The following NLN variants were observed in gnomAD, a reference collection of about 807,000 sequenced individuals.
The protein encoded by NLN is neurolysin, also known as neurolysin, mitochondrial.
A neutral mutation model predicts 79.9 loss-of-function variants in NLN; 64 were observed. The ratio of observed to expected loss-of-function variants is 0.80; its 90% CI spans 0.65 to 0.99. The LOEUF (loss-of-function observed/expected upper bound fraction) is 0.99. NLN is among the 50% of genes least tolerant of loss of function. The pLI is 0.00. For missense variants in NLN, 835 were observed against 858.7 expected (o/e 0.97, Z 0.34); for synonymous variants, 267 against 296.6 (o/e 0.90, Z 1.02).
At chr5:65,795,200 A>C (rs2150765986) in intron 9 of NLN, among the ~76,000 whole-genome samples, 1 of 152,134 alleles carries the variant, frequency 6.6e-6, no homozygotes, top group South Asian at 2.1e-4. Context: ...CCAAAAATAA[A>C]AAAAATTAGC....
chr5:65,762,213 G>T (rs1759354126), intron 2 of NLN, among the ~76,000 whole-genome samples: 1 of 152,152 alleles, frequency 6.6e-6, no homozygotes, highest in Non-Finnish European at 1.5e-5. Context: ...GGGATCCTTT[G>T]AAGTTATCTG....
intron 9 of NLN, among the ~76,000 whole-genome samples, chr5:65,795,687 A>AAAAT (rs1358699774): frequency 3.3e-5 from 5 of 152,268 alleles, no homozygotes; most frequent in Admixed American, 6.5e-5. Flanking sequence ...ACTCTGTCTC[A>AAAAT]AAATAAATAA....
chr5:65,769,512 A>G (rs1197343725), intron 3 of NLN, among the ~76,000 whole-genome samples: 2 of 152,194 alleles, frequency 1.3e-5, no homozygotes, highest in Non-Finnish European at 2.9e-5. Flanking sequence ...CATGTGCCCC[A>G]TAAATGTATA....
intron 12 of NLN, among the ~76,000 whole-genome samples, chr5:65,812,944 A>C (rs1003461777): frequency 1.3e-5 from 2 of 152,232 alleles, no homozygotes; most frequent in African/African-American, 4.8e-5. Flanking sequence ...GCTGCCAGAC[A>C]AACCTTCCTG....
intron 1 of NLN, among the ~76,000 whole-genome samples, chr5:65,738,953 A>T (rs1195273095): frequency 2.1e-5 from 2 of 96,714 alleles, no homozygotes; most frequent in East Asian, 2.3e-4. Flanking sequence ...ATATATGTTT[A>T]TATATATGTA....
At chr5:65,798,159 G>A (rs545207674) in intron 9 of NLN, among the ~76,000 whole-genome samples, 9 of 152,222 alleles carry the variant, frequency 5.9e-5, no homozygotes. Flanking sequence ...TACTGAACAT[G>A]TACCAGGTGC....
At chr5:65,745,448 T>G (rs1003840466) in intron 1 of NLN, among the ~76,000 whole-genome samples, 10 of 152,064 alleles carry the variant, frequency 6.6e-5, no homozygotes, top group Non-Finnish European at 1.3e-4. Flanking sequence ...GGCTCTGGAG[T>G]CAGGCTTGGG....
chr5:65,759,340 T>C (rs1284440939), intron 2 of NLN, among the ~76,000 whole-genome samples: 1 of 152,076 alleles, frequency 6.6e-6, no homozygotes, highest in Non-Finnish European at 1.5e-5. Flanking sequence ...AAATAAATTT[T>C]ATCAATGGTT....
chr5:65,809,445 T>C, intron 9 of NLN, 70 bp from the exon 10 acceptor site: 1 of 1,342,012 alleles, frequency 7.5e-7, no homozygotes, highest in Non-Finnish European at 1.0e-6. Flanking sequence ...TTCGTGACTC[T>C]TAATAATTAT....
rs1323474970 is a variant in NLN, at chr5:65,792,555, T to A, written c.1427T>A (p.Phe476Tyr). The A allele has an allele frequency of 1.2e-6, 2 of 1,613,754 alleles. No homozygotes were observed. Among genetic ancestry groups the A allele is most frequent in the East Asian group, 4.5e-5 (2 of 44,890 alleles). The change falls in exon 9 of 13, where the codon TTC becomes TAC. Residue 476 changes from phenylalanine to tyrosine, a missense_variant. By Grantham distance (22) the Phe-to-Tyr change is conservative. Coordinates refer to ENST00000380985, the MANE Select transcript of NLN (RefSeq NM_020726.5). ...MMAVAALVVN[F>Y]SQPVAGRPSL... ...GCAGTGGCTGCCCTCGTGGTGAACT[T>A]CTCACAGCCAGTGGCAGGTCGTCCC... is the stretch of plus-strand genomic sequence containing the variant.
chr5:65,793,410 G>C lies in NLN; in HGVS notation c.1527+755G>C, dbSNP rs1005914815. The C allele has an allele frequency of 2.0e-5, 3 of 153,352 alleles. No homozygotes were observed. The Admixed American group carries it at 2.0e-4, about 10-fold the overall frequency. 9.5% of individuals were successfully genotyped at this position (153,352 alleles called of 1,614,324 possible). On this transcript the variant is annotated intron_variant, in intron 9 of 12. Transcript: ENST00000380985. Reference sequence around the variant, plus strand: ...TGCCTGTAATCCCAGCACTTTGGGAGGCCAAGGTGGAAGGATCGCTTGAGT... The same window carrying C: ...TGCCTGTAATCCCAGCACTTTGGGACGCCAAGGTGGAAGGATCGCTTGAGT...
At chr5:65,739,486 G>A (rs1234737692) in intron 1 of NLN, among the ~76,000 whole-genome samples, 2 of 152,120 alleles carry the variant, frequency 1.3e-5, no homozygotes, top group Non-Finnish European at 2.9e-5. Flanking sequence ...TGAGAGTGTG[G>A]ATATCTCTTC....
intron 3 of NLN, among the ~76,000 whole-genome samples, chr5:65,768,540 AAAT>A (rs1182241961): frequency 2.0e-5 from 3 of 152,264 alleles, no homozygotes; most frequent in Non-Finnish European, 4.4e-5. Context: ...GGCCACAGCC[AAAT>A]AATATCAGTG....
At chr5:65,786,723 A>G (rs998845085) in intron 7 of NLN, among the ~76,000 whole-genome samples, 4 of 152,196 alleles carry the variant, frequency 2.6e-5, no homozygotes, top group African/African-American at 9.6e-5. Flanking sequence ...TTAGCCAGGC[A>G]TGGTAGCACA....
At chr5:65,813,401 G>T (rs144030804) in intron 12 of NLN, among the ~76,000 whole-genome samples, 14 of 152,128 alleles carry the variant, frequency 9.2e-5, no homozygotes, top group African/African-American at 2.9e-4. Context: ...CTTCAACCAG[G>T]ACCCATCCCT....
intron 8 of NLN, 68 bp downstream of exon 8, chr5:65,788,552 T>C (rs1156247649): frequency 4.0e-6 from 6 of 1,486,942 alleles, no homozygotes; most frequent in Non-Finnish European, 5.5e-6. Context: ...GACTCTACTC[T>C]TGGCCAGGCA....
At chr5:65,799,956 A>G (rs1760248300) in intron 9 of NLN, among the ~76,000 whole-genome samples, 2 of 152,202 alleles carry the variant, frequency 1.3e-5, no homozygotes, top group South Asian at 4.1e-4. Context: ...AAACTTCTCC[A>G]TCATCCCTGG....
Position 65,827,977 on chromosome 5 carries a change from G to C in NLN, c.*5062G>C, listed in dbSNP as rs12187571. ...GGTTGCAGTGAGCCGACATTGTGCC[G>C]CTTCATTCCAGCCTGGGCAACAGAG... is the stretch of plus-strand genomic sequence containing the variant. On this transcript the variant is annotated 3_prime_UTR_variant, in exon 13 of 13. Transcript: ENST00000380985. 10 of 152,158 alleles carry C rather than the reference G, an allele frequency of 6.6e-5. No homozygotes were observed. Among genetic ancestry groups the C allele is most frequent in the Non-Finnish European group, 1.2e-4 (8 of 68,030 alleles). 9.4% of individuals were successfully genotyped at this position (152,158 alleles called of 1,614,324 possible).
chr5:65,797,387 A>G (rs542296359), intron 9 of NLN, among the ~76,000 whole-genome samples: 1 of 152,354 alleles, frequency 6.6e-6, no homozygotes, highest in Non-Finnish European at 1.5e-5. Context: ...ATTTGGTTAA[A>G]AACTAATAAA....
Sources: allele counts gnomAD v4.1 joint callset (sites outside exome capture counted in the v4.1 genomes callset), GRCh38; gene constraint gnomAD v4.1.1; transcripts MANE v1.5; gene names NCBI Gene and HGNC (gene_info 2026-07-23, HGNC 2026-07-21).